DCC: variants seen among roughly 807,000 people sequenced by gnomAD.
DCC encodes DCC netrin 1 receptor.
DCC carries 58 observed loss-of-function variants against 172.5 expected under a neutral mutation model. The observed-to-expected ratio is 0.34, with a 90% CI of 0.27 to 0.42. The LOEUF is 0.42. Among genes scored for constraint, DCC ranks in the 10% least tolerant of loss-of-function variants. The pLI is 1.00. For synonymous variants in DCC, 709 were observed against 644.5 expected (o/e 1.10, Z -1.52); for missense variants, 1,740 against 1,791.0 (o/e 0.97, Z 0.51).
intron 5 of DCC, among the ~76,000 whole-genome samples, chr18:53,055,012 G>A (rs879590133): frequency 5.9e-5 from 9 of 152,080 alleles, no homozygotes; most frequent in Non-Finnish European, 1.0e-4. Flanking sequence ...GTTGTTCCCC[G>A]CTTAGATTTT....
intron 1 of DCC, among the ~76,000 whole-genome samples, chr18:52,443,874 C>G (rs557144076): frequency 6.6e-6 from 1 of 151,816 alleles, no homozygotes; most frequent in Non-Finnish European, 1.5e-5. Context: ...GAGACAGAGA[C>G]GGGAGAAAGA....
intron 5 of DCC, among the ~76,000 whole-genome samples, chr18:53,055,995 G>A (rs796179271): frequency 1.8e-4 from 28 of 152,172 alleles, no homozygotes; most frequent in African/African-American, 6.3e-4. Context: ...TACCTAGAAT[G>A]AGAATTTTGT....
intron 2 of DCC, among the ~76,000 whole-genome samples, chr18:52,900,940 A>T (rs2039800387): frequency 1.3e-5 from 2 of 152,216 alleles, no homozygotes; most frequent in African/African-American, 4.8e-5. Flanking sequence ...TCAGGCTGAA[A>T]TTTGTCTATA....
intron 5 of DCC, among the ~76,000 whole-genome samples, chr18:52,967,413 C>T (rs550984380): frequency 6.6e-6 from 1 of 152,294 alleles, no homozygotes; most frequent in East Asian, 1.9e-4. Flanking sequence ...GTCAAAAGTT[C>T]TCTGCCAAGG....
chr18:52,588,063 A>G (rs1598935479), intron 1 of DCC, among the ~76,000 whole-genome samples: 1 of 152,224 alleles, frequency 6.6e-6, no homozygotes, highest in Non-Finnish European at 1.5e-5. Flanking sequence ...CAGGCAGTTC[A>G]GGTTGCATGG....
chr18:52,401,355 C>A (rs1184339681), intron 1 of DCC, among the ~76,000 whole-genome samples: 2 of 151,974 alleles, frequency 1.3e-5, no homozygotes, highest in Non-Finnish European at 2.9e-5. Flanking sequence ...TACAGCATCC[C>A]ACTAGTTACA....
chr18:52,768,423 G>C (rs1227072022), intron 2 of DCC, among the ~76,000 whole-genome samples: 2 of 152,154 alleles, frequency 1.3e-5, no homozygotes, highest in African/African-American at 4.8e-5. Context: ...ACAGGTCAGG[G>C]CTGCTGATTT....
At chr18:52,356,159 A>C (rs1984354539) in intron 1 of DCC, among the ~76,000 whole-genome samples, 1 of 152,162 alleles carries the variant, frequency 6.6e-6, no homozygotes, top group Non-Finnish European at 1.5e-5. Flanking sequence ...TAATTTTAAA[A>C]TAAAGAGGCT....
intron 12 of DCC, among the ~76,000 whole-genome samples, chr18:53,221,245 A>G (rs1459298895): frequency 6.6e-6 from 1 of 152,090 alleles, no homozygotes; most frequent in African/African-American, 2.4e-5. Context: ...ATTGTTGTAC[A>G]TCTATCACCA....
intron 1 of DCC, among the ~76,000 whole-genome samples, chr18:52,371,512 C>T (rs1194454823): frequency 6.6e-6 from 1 of 152,148 alleles, no homozygotes; most frequent in East Asian, 1.9e-4. Flanking sequence ...GGTTTCAGAA[C>T]GAAAAGTGTT....
At chr18:53,479,684 T>C (rs1019444605) in intron 25 of DCC, among the ~76,000 whole-genome samples, 1 of 152,126 alleles carries the variant, frequency 6.6e-6, no homozygotes, top group Non-Finnish European at 1.5e-5. Flanking sequence ...TGACAAAGGG[T>C]TGGTGAAAGT....
At chr18:52,793,269 G>A (rs143949297) in intron 2 of DCC, among the ~76,000 whole-genome samples, 30 of 152,264 alleles carry the variant, frequency 2.0e-4, no homozygotes, top group African/African-American at 7.0e-4. Flanking sequence ...ACAAAGAGAA[G>A]GGAAGATGGA....
rs376654220 is a variant in DCC, at chr18:53,404,591, C to T, written c.2935+1698C>T. On this transcript the variant is annotated intron_variant, in intron 19 of 28. Transcript: ENST00000442544. ...CTAAAAATACGAAAAATTAGCCGGG[C>T]GTGGTGGTGGGCACCTGTAGTCCCA... Among the ~76,000 whole-genome samples the T allele has an allele frequency of 2.0e-4, 31 of 151,884 alleles. No individual in the cohort carries two copies. The East Asian group carries it at 3.1e-3, about 15-fold the overall frequency.
Position 52,934,014 on chromosome 18 carries a change from A to G in DCC, c.985+8644A>G, listed in dbSNP as rs781764302. 2.0e-5 allele frequency among the ~76,000 whole-genome samples: 3 copies of G among 152,212 alleles called. No homozygotes were observed. The South Asian group carries it at 6.2e-4, about 32-fold the overall frequency. On this transcript the variant is annotated intron_variant, in intron 5 of 28. Transcript: ENST00000442544. ...ATAAGATCCCCTCCTAGCCTTCATG[A>G]GAAGCCTAAAGCCAGTTGGAAAGAT...
At chr18:52,515,215 G>A (rs1229577178) in intron 1 of DCC, among the ~76,000 whole-genome samples, 1 of 152,154 alleles carries the variant, frequency 6.6e-6, no homozygotes, top group African/African-American at 2.4e-5. Context: ...TTTCAACAAA[G>A]GGTGCTAGAG....
intron 2 of DCC, among the ~76,000 whole-genome samples, chr18:52,808,375 T>C (rs1474113853): frequency 6.7e-6 from 1 of 149,220 alleles, no homozygotes; most frequent in Admixed American, 6.8e-5. Flanking sequence ...CCTGTAATTC[T>C]GACTAAGTGA....
chr18:53,365,458 AAAG>A, intron 15 of DCC, among the ~76,000 whole-genome samples: 1 of 151,710 alleles, frequency 6.6e-6, no homozygotes, highest in East Asian at 1.9e-4. Context: ...AAAAAAAAAA[AAAG>A]AAAAAAGCAG....
At chr18:52,740,585 G>A (rs1197874146) in intron 1 of DCC, among the ~76,000 whole-genome samples, 1 of 152,194 alleles carries the variant, frequency 6.6e-6, no homozygotes, top group Non-Finnish European at 1.5e-5. Context: ...CCCTGGACCT[G>A]TCAGACCTTT....
intron 2 of DCC, among the ~76,000 whole-genome samples, chr18:52,805,036 A>G (rs186601930): frequency 2.0e-5 from 3 of 152,302 alleles, no homozygotes; most frequent in Admixed American, 2.0e-4. Context: ...AATTTTAAAC[A>G]AATTTCTTAA....
Sources: gnomAD v4.1 joint callset for allele counts (sites outside exome capture counted in the v4.1 genomes callset) on GRCh38, gnomAD v4.1.1 for gene constraint, MANE v1.5 for transcripts, NCBI Gene and HGNC (gene_info 2026-07-23, HGNC 2026-07-21) for gene names.